The following LGR4 variants were observed in gnomAD, a reference collection of about 807,000 sequenced individuals.
LGR4 encodes leucine-rich repeat-containing G protein-coupled receptor 4.
Under a neutral mutation model 84.8 loss-of-function variants are expected in LGR4, and 44 were observed. That is an observed-to-expected ratio of 0.52 (90% confidence interval 0.41 to 0.67). The LOEUF (loss-of-function observed/expected upper bound fraction) is 0.67. Ranked by LOEUF, LGR4 falls within the 30% of genes least tolerant of loss-of-function variation. The pLI is 0.00. For synonymous variants in LGR4, 429 were observed against 434.3 expected (o/e 0.99, Z 0.15); for missense variants, 1,032 against 1,131.4 (o/e 0.91, Z 1.26).
chr11:27,382,804 G>C (rs1281730240), intron 6 of LGR4, among the ~76,000 whole-genome samples: 1 of 152,058 alleles, frequency 6.6e-6, no homozygotes, highest in Admixed American at 6.6e-5. Context: ...AGATCATGAG[G>C]TCAAGAGATC....
rs1445668362 is a variant in LGR4, at chr11:27,377,474, CTATAAAGTATATA to C, written c.1044-264_1044-252del. Among the ~76,000 whole-genome samples, 26 of 151,064 alleles carry C rather than the reference CTATAAAGTATATA, an allele frequency of 1.7e-4. No homozygotes were observed. In the South Asian group the frequency reaches 2.3e-3, roughly 13 times the overall value. ...CACTAATATATGTAAAAATACATTT[CTATAAAGTATATA>C]TATAAAGTACATAACATAAATATAT... On this transcript the variant is annotated intron_variant, in intron 11 of 17. Transcript: ENST00000379214.
In LGR4 at chr11:27,432,989, T is replaced by C. The variant is rs554534145; in HGVS notation, c.186-20129A>G. The stretch of plus-strand genomic sequence containing the variant: ...ACTGAAAGTTCACATCATGGCAACA[T>C]GACAAATTTTATGATTTTGAATCAA... On this transcript the variant is annotated intron_variant, in intron 1 of 17. Transcript: ENST00000379214. Among the ~76,000 whole-genome samples, 19 of 152,338 alleles carry C rather than the reference T, an allele frequency of 1.2e-4. No homozygotes were observed. The South Asian group carries it at 3.9e-3, about 32-fold the overall frequency.
intron 1 of LGR4, among the ~76,000 whole-genome samples, chr11:27,428,459 AT>A (rs1235350745): frequency 6.6e-6 from 1 of 152,158 alleles, no homozygotes; most frequent in African/African-American, 2.4e-5. Context: ...TCTTTTTGGA[AT>A]AAAATGGATT....
At chr11:27,379,738 G>T (rs1228574344) in intron 10 of LGR4, among the ~76,000 whole-genome samples, 1 of 152,128 alleles carries the variant, frequency 6.6e-6, no homozygotes, top group Non-Finnish European at 1.5e-5. Flanking sequence ...AACCAAATGT[G>T]CAACGTTCAA....
intron 2 of LGR4, among the ~76,000 whole-genome samples, chr11:27,412,254 T>C (rs1215644622): frequency 6.6e-6 from 1 of 152,130 alleles, no homozygotes; most frequent in Non-Finnish European, 1.5e-5. Context: ...TTCAGAAACA[T>C]TCTTAAAGTT....
intron 11 of LGR4, among the ~76,000 whole-genome samples, chr11:27,378,230 T>TCCAGAA (rs1863025857): frequency 3.3e-5 from 5 of 152,348 alleles, no homozygotes; most frequent in African/African-American, 1.2e-4. Flanking sequence ...ACTTAATAAC[T>TCCAGAA]TAATCGTTTA....
At chr11:27,425,515 G>A (rs371255693) in intron 1 of LGR4, among the ~76,000 whole-genome samples, 2 of 151,998 alleles carry the variant, frequency 1.3e-5, no homozygotes, top group East Asian at 3.9e-4. Flanking sequence ...GTAGAGACAG[G>A]GTCTTGCTTT....
intron 1 of LGR4, among the ~76,000 whole-genome samples, chr11:27,415,073 C>T (rs1345939938): frequency 6.6e-6 from 1 of 152,130 alleles, no homozygotes; most frequent in Non-Finnish European, 1.5e-5. Context: ...ACGGGAGATA[C>T]ATTTGGCCTT....
intron 2 of LGR4, among the ~76,000 whole-genome samples, chr11:27,407,732 G>A (rs1863639503): frequency 1.3e-5 from 2 of 152,046 alleles, no homozygotes; most frequent in South Asian, 2.1e-4. Context: ...AATAAGAATT[G>A]TAGATCAGGT....
intron 2 of LGR4, among the ~76,000 whole-genome samples, chr11:27,395,688 A>T (rs1465143950): frequency 6.6e-6 from 1 of 152,166 alleles, no homozygotes; most frequent in East Asian, 1.9e-4. Flanking sequence ...CTCTACTTTG[A>T]TTACTTAGTT....
intron 1 of LGR4, among the ~76,000 whole-genome samples, chr11:27,447,303 T>C (rs1864409132): frequency 6.6e-6 from 1 of 152,026 alleles, no homozygotes; most frequent in Admixed American, 6.6e-5. Flanking sequence ...CAGGATGCAA[T>C]AAAGAAGCTG....
intron 1 of LGR4, among the ~76,000 whole-genome samples, chr11:27,419,624 A>G (rs1001277564): frequency 6.8e-6 from 1 of 147,630 alleles, no homozygotes; most frequent in African/African-American, 2.5e-5. Context: ...TATAATATAT[A>G]ATAATATATA....
At chr11:27,446,736 G>C (rs967660823) in intron 1 of LGR4, among the ~76,000 whole-genome samples, 2 of 152,104 alleles carry the variant, frequency 1.3e-5, no homozygotes. Context: ...ACATGCACAC[G>C]TATGTTTATT....
chr11:27,467,437 G>A (rs1254487280), intron 1 of LGR4, among the ~76,000 whole-genome samples: 2 of 151,834 alleles, frequency 1.3e-5, no homozygotes, highest in Non-Finnish European at 2.9e-5. Flanking sequence ...GCATGGTGGC[G>A]GGTGCCTGTA....
At chr11:27,373,146 G>A (rs1862916033) in intron 15 of LGR4, 1 of 152,894 alleles carries the variant, frequency 6.5e-6, no homozygotes, top group Non-Finnish European at 1.5e-5. Flanking sequence ...ACAGGTGCGA[G>A]CCACCACGCT....
intron 4 of LGR4, among the ~76,000 whole-genome samples, chr11:27,385,764 C>T (rs1863176069): frequency 2.0e-5 from 3 of 150,268 alleles, no homozygotes; most frequent in South Asian, 4.2e-4. Context: ...TTTAAAAACA[C>T]TTGCAAAGTT....
chr11:27,404,917 A>C (rs948616148), intron 2 of LGR4, among the ~76,000 whole-genome samples: 16 of 152,208 alleles, frequency 1.1e-4, no homozygotes, highest in African/African-American at 3.4e-4. Context: ...TTAAGCCTCG[A>C]GATCCAGTAA....
intron 1 of LGR4, among the ~76,000 whole-genome samples, chr11:27,456,560 C>T (rs192225463): frequency 6.6e-6 from 1 of 152,132 alleles, no homozygotes; most frequent in Non-Finnish European, 1.5e-5. Flanking sequence ...TAAAGGAGCA[C>T]ATTCAGAAAT....
In LGR4 at chr11:27,380,345, T is replaced by C. The variant is rs1863069196; in HGVS notation, c.903-6A>G. The C allele has an allele frequency of 6.2e-7, 1 of 1,600,592 alleles. No homozygotes were observed. Among genetic ancestry groups the C allele is most frequent in the East Asian group, 2.2e-5 (1 of 44,788 alleles). On this transcript the variant is annotated splice_region_variant and splice_polypyrimidine_tract_variant and intron_variant, in intron 9 of 17. Coordinates refer to ENST00000379214, the MANE Select transcript of LGR4 (RefSeq NM_018490.5). ...TGCTTGCACCACGAATGACTCTTTA[T>C]GAAATTGAGAAAGACAAGGTAATTT...
Sources: allele counts gnomAD v4.1 joint callset (sites outside exome capture counted in the v4.1 genomes callset), GRCh38; gene constraint gnomAD v4.1.1; transcripts MANE v1.5; gene names NCBI Gene and HGNC (gene_info 2026-07-23, HGNC 2026-07-21).